Variants in ITGB4 observed in about 807,000 individuals in gnomAD.
ITGB4 encodes integrin subunit beta 4.
ITGB4 carries 159 observed loss-of-function variants against 207.6 expected under a neutral mutation model. The ratio of observed to expected loss-of-function variants is 0.77; its 90% CI spans 0.67 to 0.87. The LOEUF (loss-of-function observed/expected upper bound fraction) is 0.87. Ranked by LOEUF, ITGB4 falls within the 40% of genes least tolerant of loss-of-function variation. The pLI is 0.00. For synonymous variants in ITGB4, 1,020 were observed against 1,062.7 expected (o/e 0.96, Z 0.78); for missense variants, 2,278 against 2,546.8 (o/e 0.89, Z 2.27).
chr17:75,740,127 C>T lies in ITGB4; in HGVS notation c.2446+56C>T, dbSNP rs1236192160. ...GGCAGTGCCCTTCGGGCCCTCTGTT[C>T]CAGATCTGGGATCACAGCATGCCTC... On this transcript the variant is annotated intron_variant, in intron 20 of 39. Transcript: ENST00000200181. The surrounding 1 kb of genome is among the most constrained non-coding windows in gnomAD (Gnocchi z 5.9). The T allele has an allele frequency of 2.6e-6, 4 of 1,535,670 alleles. No individual in the cohort carries two copies. Among genetic ancestry groups the T allele is most frequent in the Admixed American group, 3.7e-5 (2 of 53,834 alleles).
In ITGB4 at chr17:75,757,667, T is replaced by TG. The variant is rs748388413; in HGVS notation, c.*113dup. On this transcript the variant is annotated 3_prime_UTR_variant, in exon 40 of 40. Transcript: ENST00000200181. ...CCCCTGGGGGCCCAGCCCACCCGCATGCACAGAGCAGGGGCTAGGTGTCTC... is the reference window on the plus strand; with the variant it reads ...CCCCTGGGGGCCCAGCCCACCCGCATGGCACAGAGCAGGGGCTAGGTGTCTC... The TG allele has an allele frequency of 6.2e-6, 9 of 1,449,624 alleles. No individual in the cohort carries two copies. The highest frequency in any genetic ancestry group is 8.7e-6 in the Non-Finnish European group (9 of 1,036,606). The allele number at this position is 1,449,624 out of a possible 1,614,324, so 89.8% of individuals were successfully genotyped here.
At chr17:75,725,389 T>G (rs1231019617) in intron 2 of ITGB4, among the ~76,000 whole-genome samples, 2 of 152,106 alleles carry the variant, frequency 1.3e-5, no homozygotes, top group Non-Finnish European at 2.9e-5. Flanking sequence ...CGTGGCTCAC[T>G]GCAGCCTCAA....
intron 35 of ITGB4, 76 bp downstream of exon 35, chr17:75,755,926 C>A: frequency 6.6e-7 from 1 of 1,524,392 alleles, no homozygotes. Flanking sequence ...TAGGGTACCT[C>A]AGCTGTGTCA....
rs2061479779 is a variant in ITGB4 at position 75,755,647 on chromosome 17, C to T, written c.4559-54C>T. ...AGGTCAGGGGGCAGCACTGTGACTCCCACTGAGACCCTAGCCCCTGCATCT... is the reference window on the plus strand; with the variant it reads ...AGGTCAGGGGGCAGCACTGTGACTCTCACTGAGACCCTAGCCCCTGCATCT... On this transcript the variant is annotated intron_variant, in intron 34 of 39. Transcript: ENST00000200181. 11 of 1,608,378 alleles carry T rather than the reference C, an allele frequency of 6.8e-6. No homozygotes were observed. The Admixed American group carries it at 1.5e-4, about 22-fold the overall frequency.
intron 1 of ITGB4, 128 bp from the exon 2 acceptor site, chr17:75,724,566 G>T: frequency 1.3e-6 from 1 of 784,854 alleles, no homozygotes; most frequent in East Asian, 2.5e-5. Context: ...TGCCTCTGGC[G>T]GCTGGGCGCC....
At position 75,729,175 on chromosome 17, in the gene ITGB4, AT is replaced by A; in HGVS notation, c.567-88del. The A allele has an allele frequency of 1.6e-6, 2 of 1,249,000 alleles. No homozygotes were observed. Among genetic ancestry groups the A allele is most frequent in the Non-Finnish European group, 2.2e-6 (2 of 901,910 alleles). 77.4% of individuals were successfully genotyped at this position (1,249,000 alleles called of 1,614,324 possible). On this transcript the variant is annotated intron_variant, in intron 6 of 39. Transcript: ENST00000200181. This position sits in a 1 kb window ranked among gnomAD's most constrained non-coding sequence, Gnocchi z 4.4. ...CTTGGTCTCAAAAAAAAAAAAAAAA[AT>A]TCTCCTTCTAGTTGAAACGAGCCAG...
rs773509873 is a variant in ITGB4 at position 75,757,469 on chromosome 17, C to T, written c.5383C>T (p.His1795Tyr). The change falls in exon 40 of 40, where the codon CAT (histidine) becomes TAT (tyrosine). Residue 1795 changes from histidine (H) to tyrosine (Y), a missense_variant. Coordinates refer to ENST00000200181, the MANE Select transcript of ITGB4 (RefSeq NM_000213.5). ...HLEAGGSLTR[H>Y]VTQEFVSRTL... is the part of the protein sequence containing the mutation. ...GGAGGCAGGCGGCTCCCTCACCCGG[C>T]ATGTGACCCAGGAGTTTGTGAGCCG... 5.0e-6 allele frequency: 8 copies of T among 1,612,854 alleles called. No homozygotes were observed. In the South Asian group the frequency reaches 8.8e-5, roughly 18 times the overall value.
At position 75,729,199 on chromosome 17, in the gene ITGB4, C is replaced by T. The variant is rs2060796742; in HGVS notation, c.567-66C>T. 7 of 1,491,016 alleles carry T rather than the reference C, an allele frequency of 4.7e-6. No individual in the cohort carries two copies. The highest frequency in any genetic ancestry group is 5.5e-6 in the Non-Finnish European group (6 of 1,087,276). 92.4% of individuals were successfully genotyped at this position (1,491,016 alleles called of 1,614,324 possible). A position where few individuals can be genotyped will look rare whatever the true frequency, so the allele number is the denominator to read the frequency against. ...AATTCTCCTTCTAGTTGAAACGAGCCAGGGGCACTGGGGTCTGCGGCGTCT... is the reference window on the plus strand; with the variant it reads ...AATTCTCCTTCTAGTTGAAACGAGCTAGGGGCACTGGGGTCTGCGGCGTCT... On this transcript the variant is annotated intron_variant, in intron 6 of 39. Transcript: ENST00000200181. The surrounding 1 kb of genome is among the most constrained non-coding windows in gnomAD (Gnocchi z 4.4).
In ITGB4 at chr17:75,729,517, C is replaced by A; in HGVS notation, c.738+81C>A. 1 of 1,446,140 alleles carries A rather than the reference C, an allele frequency of 6.9e-7. No homozygotes were observed. The highest frequency in any genetic ancestry group is 9.4e-7 in the Non-Finnish European group (1 of 1,068,310). The allele number at this position is 1,446,140 out of a possible 1,614,324, so 89.6% of individuals were successfully genotyped here. Reference sequence around the variant, plus strand: ...AGGGCCTGAGCTGCCCCCTGGCCTGCTCTGGTGCCAGGCTCACAGGCCCTG... The same window carrying A: ...AGGGCCTGAGCTGCCCCCTGGCCTGATCTGGTGCCAGGCTCACAGGCCCTG... On this transcript the variant is annotated intron_variant, in intron 7 of 39. Transcript: ENST00000200181. The surrounding 1 kb of genome is among the most constrained non-coding windows in gnomAD (Gnocchi z 4.4).
chr17:75,740,299 G>A lies in ITGB4; in HGVS notation c.2447-59G>A, dbSNP rs908438519. On this transcript the variant is annotated intron_variant, in intron 20 of 39. Transcript: ENST00000200181. The surrounding 1 kb of genome is among the most constrained non-coding windows in gnomAD (Gnocchi z 5.9). ...GGTTGCTGGAGGGATGCTCTGTGGT[G>A]CCTGTCATGCAGGGGGCTGACCACC... 33 of 1,456,058 alleles carry A rather than the reference G, an allele frequency of 2.3e-5. No individual in the cohort carries two copies. Among genetic ancestry groups the A allele is most frequent in the Non-Finnish European group, 3.1e-5 (33 of 1,049,322 alleles). 90.2% of individuals were successfully genotyped at this position (1,456,058 alleles called of 1,614,324 possible). A position where few individuals can be genotyped will look rare whatever the true frequency, so the allele number is the denominator to read the frequency against.
Position 75,722,351 on chromosome 17 carries a change from C to T in ITGB4, c.-11+739C>T, listed in dbSNP as rs547921895. ...GGGCTCTGGGGCTCCTGGTGACTCC[C>T]AGGAGCAGGGACAGGGCTTCTCCTC... is the stretch of plus-strand genomic sequence containing the variant. On this transcript the variant is annotated intron_variant, in intron 1 of 39. Coordinates refer to ENST00000200181, the MANE Select transcript of ITGB4 (RefSeq NM_000213.5). This position sits in a 1 kb window ranked among gnomAD's most constrained non-coding sequence, Gnocchi z 6.2. 6.6e-6 allele frequency among the ~76,000 whole-genome samples: 1 copy of T among 152,286 alleles called. No homozygotes were observed. The highest frequency in any genetic ancestry group is 2.1e-4 in the South Asian group (1 of 4,830).
rs781586714 is a variant in ITGB4 at position 75,740,642 on chromosome 17, C to G, written c.2551-151C>G. The G allele has an allele frequency of 9.8e-7, 1 of 1,024,232 alleles. No individual in the cohort carries two copies. The highest frequency in any genetic ancestry group is 1.5e-6 in the Non-Finnish European group (1 of 665,266). The allele number at this position is 1,024,232 out of a possible 1,614,324, so 63.4% of individuals were successfully genotyped here. On this transcript the variant is annotated intron_variant, in intron 21 of 39. Transcript: ENST00000200181. The surrounding 1 kb of genome is among the most constrained non-coding windows in gnomAD (Gnocchi z 5.9). ...GTTTCCAGAGGGCAGAAGGCCAGAG[C>G]CTGGGCCCAGGATGCTGCCCCACGG...
At position 75,757,804 on chromosome 17, in the gene ITGB4, G is replaced by A; in HGVS notation, c.*249G>A. 1 of 662,622 alleles carries A rather than the reference G, an allele frequency of 1.5e-6. No homozygotes were observed. Among genetic ancestry groups the A allele is most frequent in the Non-Finnish European group, 2.6e-6 (1 of 384,866 alleles). 41.0% of individuals were successfully genotyped at this position (662,622 alleles called of 1,614,324 possible). On this transcript the variant is annotated 3_prime_UTR_variant, in exon 40 of 40. Transcript: ENST00000200181. Reference sequence around the variant, plus strand: ...GCCTTTGTTCTGCACTTAATAAATGGTTTTGCTACTGCTAGGCCCTGCCTT... The same window carrying A: ...GCCTTTGTTCTGCACTTAATAAATGATTTTGCTACTGCTAGGCCCTGCCTT...
At position 75,731,977 on chromosome 17, in the gene ITGB4, C is replaced by T. The variant is rs1307394352; in HGVS notation, c.1377+4C>T. The T allele has an allele frequency of 6.2e-7, 1 of 1,613,976 alleles. No homozygotes were observed. Among genetic ancestry groups the T allele is most frequent in the South Asian group, 1.1e-5 (1 of 91,084 alleles). On this transcript the variant is annotated splice_donor_region_variant and intron_variant, in intron 11 of 39. Transcript: ENST00000200181. This position sits in a 1 kb window ranked among gnomAD's most constrained non-coding sequence, Gnocchi z 6.8. ...TGATGTGTGCACCTGCGAGCTGGTA[C>T]AACGCAGCCCCGCAGGGCGGGAGGG...
intron 2 of ITGB4, among the ~76,000 whole-genome samples, chr17:75,725,122 C>T (rs914623553): frequency 1.3e-5 from 2 of 152,222 alleles, no homozygotes; most frequent in East Asian, 1.9e-4. Context: ...GCACTGCTGA[C>T]GTGTCACTTG....
In ITGB4 at chr17:75,732,155, C is replaced by A; in HGVS notation, c.1378-8C>A. ...CGACGCACCCCACCATGGTCTCTCT[C>A]ATTCCAGCAAAAAGAGGTGCGGTCA... On this transcript the variant is annotated splice_polypyrimidine_tract_variant and splice_region_variant and intron_variant, in intron 11 of 39. Transcript: ENST00000200181. This position sits in a 1 kb window ranked among gnomAD's most constrained non-coding sequence, Gnocchi z 5.3. The A allele has an allele frequency of 6.2e-7, 1 of 1,614,078 alleles. No homozygotes were observed. The highest frequency in any genetic ancestry group is 1.1e-5 in the South Asian group (1 of 91,084).
At chr17:75,754,925 C>T (rs1389089698) in intron 34 of ITGB4, 110 bp downstream of exon 34, 2 of 1,541,320 alleles carry the variant, frequency 1.3e-6, no homozygotes, top group Admixed American at 3.4e-5. Context: ...CCAACATACA[C>T]ACACGCATGC....
chr17:75,740,191 C>A lies in ITGB4; in HGVS notation c.2446+120C>A, dbSNP rs915345647. ...GGGTGCAGGCACAGGGCTCAGCCAC[C>A]TTTTGCCCTGTGCTGATGGTGCTAT... On this transcript the variant is annotated intron_variant, in intron 20 of 39. Transcript: ENST00000200181. This position sits in a 1 kb window ranked among gnomAD's most constrained non-coding sequence, Gnocchi z 5.9. 9.4e-6 allele frequency: 12 copies of A among 1,273,578 alleles called. No individual in the cohort carries two copies. Among genetic ancestry groups the A allele is most frequent in the Non-Finnish European group, 1.3e-5 (12 of 913,976 alleles). 78.9% of individuals were successfully genotyped at this position (1,273,578 alleles called of 1,614,324 possible). A position where few individuals can be genotyped will look rare whatever the true frequency, so the allele number is the denominator to read the frequency against.
rs368615743 is a variant in ITGB4 at position 75,732,613 on chromosome 17, G to A, written c.1454+374G>A. On this transcript the variant is annotated intron_variant, in intron 12 of 39. Transcript: ENST00000200181. This position sits in a 1 kb window ranked among gnomAD's most constrained non-coding sequence, Gnocchi z 5.3. ...AGAGCTCGTAAATGCACGGCAGTAA[G>A]GGCTTTAGCTTCAGGACACTGGGCG... Among the ~76,000 whole-genome samples the A allele has an allele frequency of 1.3e-5, 2 of 152,162 alleles. No individual in the cohort carries two copies. Among genetic ancestry groups the A allele is most frequent in the East Asian group, 1.9e-4 (1 of 5,198 alleles).
Sources: allele counts gnomAD v4.1 joint callset (sites outside exome capture counted in the v4.1 genomes callset), GRCh38; gene constraint gnomAD v4.1.1; non-coding constraint Gnocchi (gnomAD v3.1); transcripts MANE v1.5; gene names NCBI Gene and HGNC (gene_info 2026-07-23, HGNC 2026-07-21).